STON1: variants seen among roughly 807,000 people sequenced by gnomAD.
STON1 encodes stonin 1.
STON1 carries 79 observed loss-of-function variants against 60.9 expected under a neutral mutation model. That is an observed-to-expected ratio of 1.30 (90% CI 1.08 to 1.56). The LOEUF (loss-of-function observed/expected upper bound fraction) is 1.56. STON1 is among the 40% of genes most tolerant of loss of function. The probability of loss-of-function intolerance (pLI) is 0.00; values close to 1 mark genes in which losing one functional copy is unlikely to be tolerated. For synonymous variants in STON1, 363 were observed against 306.9 expected (o/e 1.18, Z -1.91); for missense variants, 1,166 against 858.9 (o/e 1.36, Z -4.47).
intron 1 of STON1, among the ~76,000 whole-genome samples, chr2:48,579,961 C>T (rs545335878): frequency 5.5e-4 from 83 of 152,288 alleles, no homozygotes; most frequent in African/African-American, 1.9e-3. Flanking sequence ...GGCTGGAGTG[C>T]AATGGCACTA....
At chr2:48,548,664 A>G (rs1671961482) in intron 1 of STON1, among the ~76,000 whole-genome samples, 1 of 150,536 alleles carries the variant, frequency 6.6e-6, no homozygotes, top group Non-Finnish European at 1.5e-5. Context: ...ATGCCTGCCT[A>G]ATTTTTGCAT....
intron 1 of STON1, among the ~76,000 whole-genome samples, chr2:48,540,181 A>G (rs919437856): frequency 4.6e-5 from 7 of 152,094 alleles, no homozygotes; most frequent in Admixed American, 2.6e-4. Flanking sequence ...TTTTGTTATC[A>G]TATTTTTGTT....
chr2:48,595,108 G>A (rs949991470), intron 3 of STON1, 120 bp from the exon 4 acceptor site: 1 of 772,046 alleles, frequency 1.3e-6, no homozygotes, highest in Non-Finnish European at 2.2e-6. Flanking sequence ...AGAGGGCTGT[G>A]TCTGTGTCCA....
intron 1 of STON1, among the ~76,000 whole-genome samples, chr2:48,572,594 C>G (rs1001593212): frequency 1.4e-4 from 21 of 152,140 alleles, no homozygotes; most frequent in Non-Finnish European, 1.5e-5. Context: ...ACTGAAGAAA[C>G]CAACACCACT....
chr2:48,534,701 T>C (rs1281710496), intron 1 of STON1, among the ~76,000 whole-genome samples: 1 of 152,164 alleles, frequency 6.6e-6, no homozygotes, highest in Non-Finnish European at 1.5e-5. Context: ...GAGGATCACC[T>C]GAGCCTAGGA....
In STON1 at chr2:48,595,979, A is replaced by G. The variant is rs964349952; in HGVS notation, c.*677A>G. On this transcript the variant is annotated 3_prime_UTR_variant, in exon 4 of 4. Coordinates refer to ENST00000404752, the MANE Select transcript of STON1 (RefSeq NM_006873.4). ...AGAAGCTATTTCTGTTGTCCTACAT[A>G]TTTTAGTATAAATCACTAAGACATA... The G allele has an allele frequency of 6.6e-6, 1 of 152,226 alleles. No individual in the cohort carries two copies. The highest frequency in any genetic ancestry group is 1.5e-5 in the Non-Finnish European group (1 of 68,058). The allele number at this position is 152,226 out of a possible 1,614,324, so 9.4% of individuals were successfully genotyped here.
chr2:48,573,002 A>G (rs950097642), intron 1 of STON1, among the ~76,000 whole-genome samples: 1 of 152,240 alleles, frequency 6.6e-6, no homozygotes, highest in African/African-American at 2.4e-5. Flanking sequence ...GCAGCAAATG[A>G]CAACAGTGAG....
At chr2:48,571,675 C>G (rs1013581636) in intron 1 of STON1, among the ~76,000 whole-genome samples, 1 of 152,164 alleles carries the variant, frequency 6.6e-6, no homozygotes, top group Non-Finnish European at 1.5e-5. Context: ...CAGACCAAGG[C>G]TCTGGACAGG....
At chr2:48,533,011 T>G (rs1444109502) in intron 1 of STON1, among the ~76,000 whole-genome samples, 1 of 151,900 alleles carries the variant, frequency 6.6e-6, no homozygotes, top group Non-Finnish European at 1.5e-5. Context: ...CCTAGCACTG[T>G]GGGAAGTGGA....
In STON1 at chr2:48,543,801, G is replaced by A. The variant is rs144647745; in HGVS notation, c.-48+13585G>A. On this transcript the variant is annotated intron_variant, in intron 1 of 3. Transcript: ENST00000404752. ...CCTGCCTCAGCCCCTCAAAGTTTTG[G>A]GATTACAGGCGTGAGCCACCACTCC... Among the ~76,000 whole-genome samples the A allele has an allele frequency of 3.6e-3, 545 of 152,122 alleles. 3 individuals are homozygous for A. Among genetic ancestry groups the A allele is most frequent in the African/African-American group, 0.012 (490 of 41,508 alleles).
chr2:48,533,841 C>T (rs2103729086), intron 1 of STON1, among the ~76,000 whole-genome samples: 1 of 145,658 alleles, frequency 6.9e-6, no homozygotes, highest in East Asian at 2.1e-4. Context: ...GTGATCTCAG[C>T]TTATCGCAAC....
chr2:48,565,951 A>G (rs926581234), intron 1 of STON1, among the ~76,000 whole-genome samples: 3 of 152,212 alleles, frequency 2.0e-5, no homozygotes, highest in Non-Finnish European at 4.4e-5. Flanking sequence ...TAAAATCCGA[A>G]TACCCACCCA....
intron 1 of STON1, among the ~76,000 whole-genome samples, chr2:48,558,177 C>T (rs868774425): frequency 5.3e-5 from 8 of 152,198 alleles, no homozygotes; most frequent in Admixed American, 1.3e-4. Context: ...GAGCCAAGAT[C>T]GCACCATTGC....
At chr2:48,592,513 C>T (rs1043436852) in intron 3 of STON1, among the ~76,000 whole-genome samples, 2 of 151,420 alleles carry the variant, frequency 1.3e-5, no homozygotes, top group East Asian at 3.9e-4. Context: ...CTCACTGCAA[C>T]CTCCGCCTCC....
chr2:48,582,406 G>A lies in STON1; in HGVS notation c.1773G>A (p.Lys591=). ...GGACCATGAACCTCCAGAGGCAGAA[G>A]TCTCTGAAAGCTAAAATGAACCGCC... ...ALWTMNLQRQ[K]SLKAKMNRRA... The change falls in exon 2 of 4, where the codon AAG becomes AAA. Residue 591 remains lysine, a synonymous_variant. Coordinates refer to ENST00000404752, the MANE Select transcript of STON1 (RefSeq NM_006873.4). The A allele has an allele frequency of 6.2e-7, 1 of 1,614,202 alleles. No homozygotes were observed. The highest frequency in any genetic ancestry group is 8.5e-7 in the Non-Finnish European group (1 of 1,180,056).
intron 1 of STON1, among the ~76,000 whole-genome samples, chr2:48,572,888 A>G (rs1168328439): frequency 6.6e-6 from 1 of 152,228 alleles, no homozygotes; most frequent in Non-Finnish European, 1.5e-5. Flanking sequence ...GGTGCTTCAC[A>G]GCAACTTCAG....
intron 1 of STON1, among the ~76,000 whole-genome samples, chr2:48,567,432 G>A (rs1234507437): frequency 6.6e-6 from 1 of 151,820 alleles, no homozygotes; most frequent in Admixed American, 6.6e-5. Flanking sequence ...TTTTTTTTGA[G>A]ATGCAGTCTT....
chr2:48,568,512 G>A (rs1673044913), intron 1 of STON1, among the ~76,000 whole-genome samples: 2 of 152,132 alleles, frequency 1.3e-5, no homozygotes, highest in Admixed American at 1.3e-4. Context: ...TGATGGTGTG[G>A]GAGGGATGAA....
intron 1 of STON1, 37 bp downstream of exon 1, chr2:48,530,253 C>CT (rs1449789461): frequency 2.8e-6 from 1 of 359,034 alleles, no homozygotes; most frequent in African/African-American, 2.2e-5. Flanking sequence ...GACGGGAGGC[C>CT]TGGGACCCCC....
Sources: allele counts gnomAD v4.1 joint callset (sites outside exome capture counted in the v4.1 genomes callset), GRCh38; gene constraint gnomAD v4.1.1; transcripts MANE v1.5; gene names NCBI Gene and HGNC (gene_info 2026-07-23, HGNC 2026-07-21).